COL14A1: variants seen among roughly 807,000 people sequenced by gnomAD.
COL14A1 encodes collagen type XIV alpha 1 chain, also known as collagen alpha-1(XIV) chain.
COL14A1 carries 136 observed loss-of-function variants against 230.3 expected under a neutral mutation model. The ratio of observed to expected loss-of-function variants is 0.59; its 90% confidence interval spans 0.51 to 0.68. The LOEUF is 0.68. Among genes scored for constraint, COL14A1 ranks in the 30% least tolerant of loss-of-function variants. The pLI, the probability that COL14A1 is intolerant of heterozygous loss-of-function variation, is 0.00. For synonymous variants in COL14A1, 792 were observed against 784.1 expected (o/e 1.01, Z -0.17); for missense variants, 1,976 against 2,215.8 (o/e 0.89, Z 2.17).
At chr8:120,307,760 A>G (rs1820897638) in intron 36 of COL14A1, among the ~76,000 whole-genome samples, 2 of 152,192 alleles carry the variant, frequency 1.3e-5, no homozygotes, top group South Asian at 4.1e-4. Flanking sequence ...AAGTTTGATA[A>G]TATTCAGGGT....
chr8:120,265,399 C>T (rs1402952877), intron 24 of COL14A1, among the ~76,000 whole-genome samples: 1 of 151,916 alleles, frequency 6.6e-6, no homozygotes, highest in Non-Finnish European at 1.5e-5. Context: ...GTTTTGCAAT[C>T]CTAGTTACAA....
chr8:120,218,306 T>G (rs1817828987), intron 14 of COL14A1, among the ~76,000 whole-genome samples: 1 of 144,424 alleles, frequency 6.9e-6, no homozygotes, highest in African/African-American at 2.5e-5. Context: ...ATATAATATA[T>G]ATCATATATA....
chr8:120,199,878 T>C (rs1817171292), intron 8 of COL14A1, among the ~76,000 whole-genome samples: 2 of 152,008 alleles, frequency 1.3e-5, no homozygotes, highest in Admixed American at 1.3e-4. Context: ...AGTCAAGACT[T>C]TCTCTTAAGG....
chr8:120,213,768 G>C (rs532330483), intron 13 of COL14A1, among the ~76,000 whole-genome samples: 3 of 152,228 alleles, frequency 2.0e-5, no homozygotes, highest in Admixed American at 2.0e-4. Flanking sequence ...CCTAAAAAAT[G>C]ATATCCTAGA....
chr8:120,226,867 A>C, intron 16 of COL14A1, 101 bp downstream of exon 16: 1 of 1,072,954 alleles, frequency 9.3e-7, no homozygotes, highest in Non-Finnish European at 1.3e-6. Context: ...GGAATCCCAG[A>C]AGTAATTAGT....
At chr8:120,369,234 T>C in intron 46 of COL14A1, 96 bp from the exon 47 acceptor site, 1 of 1,291,680 alleles carries the variant, frequency 7.7e-7, no homozygotes, top group South Asian at 1.8e-5. Context: ...GTCCTAAAAG[T>C]TGCTTCTTCT....
At chr8:120,347,462 G>A (rs1563396) in intron 45 of COL14A1, among the ~76,000 whole-genome samples, 68,799 of 151,890 alleles carry the variant, frequency 0.45, 15,905 homozygotes, top group African/African-American at 0.56. Flanking sequence ...TGCGATGACT[G>A]TTATAGGTCA....
Position 120,281,013 on chromosome 8 carries a change from C to T in COL14A1, c.3778C>T (p.Pro1260Ser), listed in dbSNP as rs750135277. 1.9e-6 allele frequency: 3 copies of T among 1,612,338 alleles called. No homozygotes were observed. The highest frequency in any genetic ancestry group is 2.5e-6 in the Non-Finnish European group (3 of 1,179,338). The change falls in exon 31 of 48, where the codon CCA becomes TCA. Residue 1260 changes from proline to serine, a missense_variant. Physicochemically the swap from Pro to Ser is moderately conservative, Grantham distance 74 (BLOSUM62 -1). This residue lies in a region of COL14A1 where 1,791 missense variants were observed against 2,019.5 expected (regional missense o/e 0.89). Transcript: ENST00000297848. ...SMEPGTFNVF[P>S]CYQLHKDALV... Reference sequence around the variant, plus strand: ...GGAGCCTGGTACCTTCAATGTGTTTCCATGTTACCAACTCCATAAAGATGC... The same window carrying T: ...GGAGCCTGGTACCTTCAATGTGTTTTCATGTTACCAACTCCATAAAGATGC...
chr8:120,268,638 C>A (rs536229137), intron 25 of COL14A1, among the ~76,000 whole-genome samples: 6 of 151,390 alleles, frequency 4.0e-5, no homozygotes, highest in African/African-American at 1.5e-4. Context: ...AATTTAAAAG[C>A]CAATAAATTT....
intron 1 of COL14A1, among the ~76,000 whole-genome samples, chr8:120,145,166 G>A (rs1321579580): frequency 1.3e-5 from 2 of 152,160 alleles, no homozygotes; most frequent in African/African-American, 4.8e-5. Context: ...TGATTAAGAT[G>A]CTAATCCCAT....
intron 5 of COL14A1, among the ~76,000 whole-genome samples, chr8:120,195,116 G>T (rs1279101663): frequency 6.6e-6 from 1 of 152,022 alleles, no homozygotes; most frequent in East Asian, 1.9e-4. Context: ...TTCCCCATCT[G>T]GTAAAAGCAT....
intron 44 of COL14A1, among the ~76,000 whole-genome samples, chr8:120,343,431 C>T (rs1429855894): frequency 1.3e-5 from 2 of 152,132 alleles, no homozygotes; most frequent in African/African-American, 4.8e-5. Flanking sequence ...GGCCAGGAAG[C>T]CCTGCAATAT....
chr8:120,143,454 T>TA (rs977564471), intron 1 of COL14A1, among the ~76,000 whole-genome samples: 13 of 151,894 alleles, frequency 8.6e-5, no homozygotes, highest in African/African-American at 2.4e-4. Context: ...CTGTGTCTGC[T>TA]AAAAAAAATA....
intron 1 of COL14A1, among the ~76,000 whole-genome samples, chr8:120,133,181 A>G (rs922953370): frequency 1.3e-5 from 2 of 151,436 alleles, no homozygotes; most frequent in Non-Finnish European, 2.9e-5. Flanking sequence ...GCGCCACTGC[A>G]CTCCAGCCTG....
Position 120,325,814 on chromosome 8 carries a change from G to A in COL14A1, c.4660-6327G>A, listed in dbSNP as rs547791922. ...GGCCACATGTTCTGCTTTATATGAG[G>A]ATGCTTAATCTCTAAACACACATCT... is the stretch of plus-strand genomic sequence containing the variant. On this transcript the variant is annotated intron_variant, in intron 40 of 47. Coordinates refer to ENST00000297848, the MANE Select transcript of COL14A1 (RefSeq NM_021110.4). 5.9e-5 allele frequency among the ~76,000 whole-genome samples: 9 copies of A among 152,078 alleles called. 1 individual carries two copies. In the South Asian group the frequency reaches 1.9e-3, roughly 32 times the overall value.
At chr8:120,172,521 A>T (rs980375698) in intron 5 of COL14A1, among the ~76,000 whole-genome samples, 5 of 152,250 alleles carry the variant, frequency 3.3e-5, no homozygotes, top group Non-Finnish European at 5.9e-5. Flanking sequence ...ATGATGTGTC[A>T]CTTTGGCTTG....
intron 37 of COL14A1, among the ~76,000 whole-genome samples, chr8:120,312,622 T>C (rs1821080776): frequency 6.6e-6 from 1 of 152,174 alleles, no homozygotes; most frequent in African/African-American, 2.4e-5. Flanking sequence ...ACTCAATACA[T>C]TCTCCTTAAT....
In COL14A1 at chr8:120,222,534, T is replaced by G. The variant is rs1817962665; in HGVS notation, c.1738-2554T>G. ...CCTCAACTGGAGTGTCTGAAAAGGC[T>G]GGGATTCTCTGGCCCTCTCCAGAAG... On this transcript the variant is annotated intron_variant, in intron 14 of 47. Coordinates refer to ENST00000297848, the MANE Select transcript of COL14A1 (RefSeq NM_021110.4). Among the ~76,000 whole-genome samples, 3 of 152,130 alleles carry G rather than the reference T, an allele frequency of 2.0e-5. No homozygotes were observed. In the South Asian group the frequency reaches 6.2e-4, roughly 32 times the overall value.
intron 36 of COL14A1, among the ~76,000 whole-genome samples, chr8:120,301,508 T>A (rs1820708851): frequency 6.6e-6 from 1 of 152,160 alleles, no homozygotes; most frequent in South Asian, 2.1e-4. Flanking sequence ...TCCTGCTCCA[T>A]CCATGTTCCC....
Sources: allele counts gnomAD v4.1 joint callset (sites outside exome capture counted in the v4.1 genomes callset), GRCh38; gene constraint gnomAD v4.1.1; regional missense constraint gnomAD v4.1.1; transcripts MANE v1.5; gene names NCBI Gene and HGNC (gene_info 2026-07-23, HGNC 2026-07-21).